Variants in DMD observed in about 807,000 individuals in gnomAD.
The protein encoded by DMD is mutant dystrophin.
A neutral mutation model predicts 330.1 loss-of-function variants in DMD; 63 were observed. The observed-to-expected ratio is 0.19, with a 90% confidence interval of 0.16 to 0.24. DMD has a LOEUF of 0.24. Ranked by LOEUF, DMD falls within the 10% of genes least tolerant of loss-of-function variation. DMD has a pLI of 1.00. For synonymous variants in DMD, 1,223 were observed against 959.8 expected, an observed-to-expected ratio of 1.27 and a Z score of -5.07; for missense variants, 3,344 against 2,684.1, an observed-to-expected ratio of 1.25 and a Z score of -5.43.
chrX:31,614,555 T>G (rs2078096881), intron 55 of DMD, among the ~76,000 whole-genome samples: 1 of 111,996 alleles, frequency 8.9e-6, no homozygotes, highest in Admixed American at 9.5e-5. Flanking sequence ...AAGTAATTTG[T>G]TGCTTTCTCA....
intron 44 of DMD, among the ~76,000 whole-genome samples, chrX:32,107,219 T>A (rs1232450931): frequency 1.1e-4 from 12 of 110,424 alleles, no homozygotes; most frequent in African/African-American, 4.0e-4. Flanking sequence ...GGATGGAGGA[T>A]TACGCTCTTG....
chrX:32,643,152 G>T (rs1230321027), intron 11 of DMD, among the ~76,000 whole-genome samples: 2 of 110,954 alleles, frequency 1.8e-5, no homozygotes, highest in Non-Finnish European at 3.8e-5. Context: ...ATATCAATAT[G>T]CATAGATTAG....
intron 7 of DMD, among the ~76,000 whole-genome samples, chrX:32,725,806 C>A (rs957068309): frequency 9.0e-6 from 1 of 110,890 alleles, no homozygotes; most frequent in Admixed American, 9.6e-5. Flanking sequence ...AATAATTTAA[C>A]TGTACATTTT....
intron 45 of DMD, among the ~76,000 whole-genome samples, chrX:31,958,979 C>A (rs2095273805): frequency 9.0e-6 from 1 of 111,338 alleles, no homozygotes; most frequent in African/African-American, 3.3e-5. Context: ...TTCCATGCAG[C>A]CAGTTCCCCC....
intron 1 of DMD, among the ~76,000 whole-genome samples, chrX:33,269,111 C>T (rs2053105308): frequency 9.0e-6 from 1 of 110,678 alleles, no homozygotes; most frequent in Admixed American, 9.7e-5. Flanking sequence ...GAAAATAGAT[C>T]ATTTTATCAA....
At chrX:32,098,238 GAAAT>G (rs1332651769) in intron 44 of DMD, among the ~76,000 whole-genome samples, 1 of 111,081 alleles carries the variant, frequency 9.0e-6, no homozygotes, top group African/African-American at 3.3e-5. Flanking sequence ...TAAATATATA[GAAAT>G]AAATAAAGAT....
chrX:31,763,944 T>C (rs914809229), intron 51 of DMD, among the ~76,000 whole-genome samples: 1 of 111,576 alleles, frequency 9.0e-6, no homozygotes, highest in Non-Finnish European at 1.9e-5. Context: ...GGCGCTATCA[T>C]AGCTCACTGC....
intron 51 of DMD, among the ~76,000 whole-genome samples, chrX:31,740,159 C>T (rs2087207771): frequency 9.0e-6 from 1 of 111,672 alleles, no homozygotes; most frequent in African/African-American, 3.3e-5. Flanking sequence ...GAATTTTATG[C>T]TACAATTTGT....
At chrX:32,781,665 C>T (rs962104818) in intron 7 of DMD, among the ~76,000 whole-genome samples, 1 of 110,097 alleles carries the variant, frequency 9.1e-6, no homozygotes, top group African/African-American at 3.3e-5. Flanking sequence ...ATTTCTACCC[C>T]AGACATACTA....
intron 7 of DMD, among the ~76,000 whole-genome samples, chrX:32,799,133 G>T (rs918280493): frequency 9.0e-6 from 1 of 111,258 alleles, no homozygotes; most frequent in South Asian, 3.7e-4. Flanking sequence ...TTCACTCCAG[G>T]AGTAAAACTT....
intron 1 of DMD, among the ~76,000 whole-genome samples, chrX:33,139,868 T>TAA (rs3990971): frequency 0.025 from 1,615 of 64,182 alleles, 56 homozygotes; most frequent in East Asian, 0.048. Flanking sequence ...GCCCCATCGC[T>TAA]AAAAAAAAAA....
intron 1 of DMD, among the ~76,000 whole-genome samples, chrX:33,251,155 AATT>A (rs1299595791): frequency 8.9e-6 from 1 of 111,738 alleles, no homozygotes; most frequent in Non-Finnish European, 1.9e-5. Flanking sequence ...CAAAAATAAA[AATT>A]AATTAATTAA....
chrX:33,329,309 A>G (rs777613774), intron 1 of DMD, among the ~76,000 whole-genome samples: 90 of 98,222 alleles, frequency 9.2e-4, no homozygotes, highest in African/African-American at 2.9e-3. Flanking sequence ...GAACTTCTAT[A>G]AAGTAATGAT....
intron 44 of DMD, among the ~76,000 whole-genome samples, chrX:32,190,469 T>C (rs1224977682): frequency 3.9e-5 from 4 of 103,641 alleles, no homozygotes; most frequent in Admixed American, 1.1e-4. Flanking sequence ...TAAAGTTTTA[T>C]AGTGTATACA....
Position 32,923,450 on chromosome X carries a change from A to G in DMD, c.94-73630T>C, listed in dbSNP as rs185132865. Among the ~76,000 whole-genome samples, 5 of 109,884 alleles carry G rather than the reference A, an allele frequency of 4.6e-5. No homozygotes were observed. The Admixed American group carries it at 4.9e-4, about 11-fold the overall frequency. ...GTGGCACACCCCTGTAATCCCAGCTACTCGGTAGGCTGAGGTGGGAGAATC... is the reference window on the plus strand; with the variant it reads ...GTGGCACACCCCTGTAATCCCAGCTGCTCGGTAGGCTGAGGTGGGAGAATC... On this transcript the variant is annotated intron_variant, in intron 2 of 78. Coordinates refer to ENST00000357033, the MANE Select transcript of DMD (RefSeq NM_004006.3).
intron 11 of DMD, among the ~76,000 whole-genome samples, chrX:32,634,879 C>A (rs2058986373): frequency 1.8e-5 from 2 of 111,778 alleles, no homozygotes; most frequent in African/African-American, 3.3e-5. Flanking sequence ...TATCCCAAGT[C>A]CACTGACTCT....
intron 1 of DMD, among the ~76,000 whole-genome samples, chrX:33,328,200 G>C (rs1215125847): frequency 9.0e-6 from 1 of 110,710 alleles, no homozygotes; most frequent in African/African-American, 3.3e-5. Context: ...TTTTTGTTTT[G>C]TTTTGTTTTC....
intron 55 of DMD, among the ~76,000 whole-genome samples, chrX:31,536,614 T>G (rs1268168789): frequency 9.0e-6 from 1 of 111,368 alleles, no homozygotes; most frequent in Non-Finnish European, 1.9e-5. Flanking sequence ...CACTGGGCAT[T>G]TAGCTGCAGC....
chrX:31,377,003 T>G (rs949877268), intron 60 of DMD, among the ~76,000 whole-genome samples: 1 of 112,322 alleles, frequency 8.9e-6, no homozygotes, highest in Non-Finnish European at 1.9e-5. Context: ...ATTGCCCCAT[T>G]TGCAAACTTA....
Sources: allele counts gnomAD v4.1 joint callset (sites outside exome capture counted in the v4.1 genomes callset), GRCh38; gene constraint gnomAD v4.1.1; transcripts MANE v1.5; gene names NCBI Gene and HGNC (gene_info 2026-07-23, HGNC 2026-07-21).